The following PHACTR1 variants were observed in gnomAD, a reference collection of about 807,000 sequenced individuals.
PHACTR1 encodes RPEL repeat containing 1.
Under a neutral mutation model 69.2 loss-of-function variants are expected in PHACTR1, and 16 were observed. The ratio of observed to expected loss-of-function variants is 0.23; its 90% confidence interval spans 0.16 to 0.35. The LOEUF (loss-of-function observed/expected upper bound fraction) is 0.35, where lower values mean the gene tolerates loss of function less well. Among genes scored for constraint, PHACTR1 ranks in the 10% least tolerant of loss-of-function variants. PHACTR1 has a pLI of 1.00. For missense variants in PHACTR1, 510 were observed against 734.7 expected (o/e 0.69, Z 3.54); for synonymous variants, 312 against 284.5 (o/e 1.10, Z -0.97).
At chr6:13,248,289 AT>A (rs1773869883) in intron 10 of PHACTR1, among the ~76,000 whole-genome samples, 1 of 152,214 alleles carries the variant, frequency 6.6e-6, no homozygotes, top group Non-Finnish European at 1.5e-5. Context: ...GAAACCGTAA[AT>A]GCATATAGCT....
At chr6:12,870,150 C>T (rs945805265) in intron 4 of PHACTR1, among the ~76,000 whole-genome samples, 2 of 152,080 alleles carry the variant, frequency 1.3e-5, no homozygotes, top group Non-Finnish European at 2.9e-5. Context: ...AATGCTTCCC[C>T]TGTATCAACA....
intron 5 of PHACTR1, among the ~76,000 whole-genome samples, chr6:13,110,556 C>T (rs560389633): frequency 6.6e-6 from 1 of 152,300 alleles, no homozygotes; most frequent in South Asian, 2.1e-4. Flanking sequence ...CCGCTTTCTC[C>T]TCTCTAGTAC....
intron 4 of PHACTR1, among the ~76,000 whole-genome samples, chr6:12,750,316 A>G (rs1175345634): frequency 6.6e-6 from 1 of 152,142 alleles, no homozygotes; most frequent in African/African-American, 2.4e-5. Flanking sequence ...TGCTGGTCAT[A>G]ATAGCATGGT....
chr6:12,898,566 C>T (rs1214641862), intron 4 of PHACTR1, among the ~76,000 whole-genome samples: 7 of 152,366 alleles, frequency 4.6e-5, no homozygotes, highest in African/African-American at 1.7e-4. Flanking sequence ...ATGTCTCAGA[C>T]ATATCTGCCT....
intron 4 of PHACTR1, among the ~76,000 whole-genome samples, chr6:12,835,111 C>T (rs540001469): frequency 2.6e-5 from 4 of 152,086 alleles, no homozygotes; most frequent in Admixed American, 2.0e-4. Flanking sequence ...GGCAGGCATC[C>T]CAAATGGAGA....
chr6:13,093,082 G>A (rs1349200821), intron 5 of PHACTR1, among the ~76,000 whole-genome samples: 4 of 152,192 alleles, frequency 2.6e-5, no homozygotes, highest in Admixed American at 1.3e-4. Context: ...CAGTCCAAGC[G>A]TGATTTGCAT....
chr6:13,141,727 T>TC (rs1416324468), intron 5 of PHACTR1, among the ~76,000 whole-genome samples: 46 of 149,358 alleles, frequency 3.1e-4, no homozygotes, highest in African/African-American at 9.8e-4. Context: ...CTTCTTTCTT[T>TC]TTTTTTTTTT....
intron 4 of PHACTR1, among the ~76,000 whole-genome samples, chr6:12,801,975 C>T (rs766347335): frequency 6.6e-6 from 1 of 151,700 alleles, no homozygotes; most frequent in Non-Finnish European, 1.5e-5. Flanking sequence ...TATTGGTGGC[C>T]TCATCTGATT....
chr6:12,939,516 A>T (rs1297511756), intron 4 of PHACTR1, among the ~76,000 whole-genome samples: 1 of 152,182 alleles, frequency 6.6e-6, no homozygotes, highest in Non-Finnish European at 1.5e-5. Flanking sequence ...CTCTTTCCTC[A>T]TCAGTCAAAA....
chr6:12,853,433 T>C (rs1405990388), intron 4 of PHACTR1, among the ~76,000 whole-genome samples: 1 of 152,218 alleles, frequency 6.6e-6, no homozygotes, highest in Admixed American at 6.5e-5. Flanking sequence ...AAGACAATTT[T>C]TTAAATGCTA....
intron 4 of PHACTR1, among the ~76,000 whole-genome samples, chr6:12,858,809 C>T (rs371875484): frequency 8.1e-5 from 2 of 24,762 alleles, no homozygotes; most frequent in African/African-American, 1.5e-4. Context: ...CACATACATA[C>T]ACACACACAC....
chr6:13,049,969 A>G (rs969358322), intron 4 of PHACTR1, among the ~76,000 whole-genome samples: 3 of 152,216 alleles, frequency 2.0e-5, no homozygotes, highest in Non-Finnish European at 2.9e-5. Context: ...AAAAGCAACA[A>G]GACTATACAC....
chr6:12,900,685 G>A (rs190342555), intron 4 of PHACTR1, among the ~76,000 whole-genome samples: 2 of 152,266 alleles, frequency 1.3e-5, no homozygotes, highest in Admixed American at 6.5e-5. Context: ...GCAACACAGT[G>A]AGACCCTGTC....
intron 4 of PHACTR1, among the ~76,000 whole-genome samples, chr6:13,005,866 C>G (rs761247946): frequency 3.3e-5 from 5 of 152,152 alleles, no homozygotes; most frequent in Admixed American, 6.5e-5. Flanking sequence ...CCCCACCCCC[C>G]ACAATTATGT....
At position 12,974,956 on chromosome 6, in the gene PHACTR1, T is replaced by C. The variant is rs189289547; in HGVS notation, c.251-78409T>C. Among the ~76,000 whole-genome samples the C allele has an allele frequency of 1.9e-3, 288 of 152,352 alleles. 1 individual carries two copies. The highest frequency in any genetic ancestry group is 3.8e-3 in the Admixed American group (58 of 15,304). ...GTATTCACTTACTTCCTCTCCATCA[T>C]TGGATGATCACTGCTTCATTGAGCA... On this transcript the variant is annotated intron_variant, in intron 4 of 14. Coordinates refer to ENST00000332995, the MANE Select transcript of PHACTR1 (RefSeq NM_030948.6).
At chr6:13,193,865 A>G (rs1416681682) in intron 7 of PHACTR1, among the ~76,000 whole-genome samples, 1 of 151,864 alleles carries the variant, frequency 6.6e-6, no homozygotes, top group Non-Finnish European at 1.5e-5. Flanking sequence ...CCATCTCTGC[A>G]TTTCTCACCC....
intron 4 of PHACTR1, among the ~76,000 whole-genome samples, chr6:12,880,445 G>T (rs1782974819): frequency 6.6e-6 from 1 of 152,002 alleles, no homozygotes; most frequent in African/African-American, 2.4e-5. Flanking sequence ...TTGTAGAGAA[G>T]AGGTTTTGCC....
chr6:13,227,829 G>T lies in PHACTR1; in HGVS notation c.1000G>T (p.Val334Phe), dbSNP rs1770051610. Residue 334 changes from valine to phenylalanine, a missense_variant, in exon 9 of 15, where the codon GTC (valine) becomes TTC (phenylalanine). Physicochemically the swap from Val to Phe is conservative, Grantham distance 50 (BLOSUM62 -1). Around this residue, in one of 2 missense-constraint regions of PHACTR1, gnomAD observed 419 missense variants for 530.9 expected, o/e 0.79. Coordinates refer to ENST00000332995, the MANE Select transcript of PHACTR1 (RefSeq NM_030948.6). The stretch of plus-strand genomic sequence containing the variant: ...GTCTTTAAACAGCTCTGAGCAGCGG[G>T]TCCCCTGTTCCACTTCTTACCACAG... ...MQRLESSEQR[V>F]PCSTSYHSSG... 3 of 1,613,826 alleles carry T rather than the reference G, an allele frequency of 1.9e-6. No individual in the cohort carries two copies. The highest frequency in any genetic ancestry group is 2.5e-6 in the Non-Finnish European group (3 of 1,179,730).
chr6:13,200,400 G>A (rs1765048468), intron 7 of PHACTR1, among the ~76,000 whole-genome samples: 2 of 151,430 alleles, frequency 1.3e-5, no homozygotes, highest in African/African-American at 4.9e-5. Context: ...TAGTAGAGAC[G>A]GGGTCAAAGT....
Sources: allele counts gnomAD v4.1 joint callset (sites outside exome capture counted in the v4.1 genomes callset), GRCh38; gene constraint gnomAD v4.1.1; regional missense constraint gnomAD v4.1.1; transcripts MANE v1.5; gene names NCBI Gene and HGNC (gene_info 2026-07-23, HGNC 2026-07-21).